USP46: variants seen among roughly 807,000 people sequenced by gnomAD.
USP46 encodes ubiquitin specific peptidase 46.
USP46 carries 12 observed loss-of-function variants against 44.4 expected under a neutral mutation model. The observed-to-expected ratio is 0.27, with a 90% confidence interval of 0.17 to 0.44. The LOEUF (loss-of-function observed/expected upper bound fraction) is 0.44. Ranked by LOEUF, USP46 falls within the 20% of genes least tolerant of loss-of-function variation. The pLI is 1.00. For synonymous variants in USP46, 155 were observed against 161.5 expected, an observed-to-expected ratio of 0.96 and a Z score of 0.31; for missense variants, 248 against 444.8, an observed-to-expected ratio of 0.56 and a Z score of 3.98.
At chr4:52,641,242 G>C (rs566741852) in intron 1 of USP46, among the ~76,000 whole-genome samples, 1 of 152,190 alleles carries the variant, frequency 6.6e-6, no homozygotes, top group African/African-American at 2.4e-5. Flanking sequence ...TCACAGGGTC[G>C]GGAAGCATAA....
rs1560406006 is a variant in USP46 at position 52,632,973 on chromosome 4, AAAG to A, written c.37-1832_37-1830del. ...GAAAGAAAGAAAGAAAGAAAGAAAG[AAAG>A]AAAGAAAGAAAAGAAAAGAAAGAAA... On this transcript the variant is annotated intron_variant, in intron 1 of 8. Transcript: ENST00000441222. 1.7e-3 allele frequency among the ~76,000 whole-genome samples: 139 copies of A among 83,910 alleles called. 2 individuals are homozygous for A. Among genetic ancestry groups the A allele is most frequent in the Middle Eastern group, 5.4e-3 (1 of 184 alleles). The allele number at this position is 83,910 out of a possible 152,430, so 55.0% of individuals were successfully genotyped here. A position where few individuals can be genotyped will look rare whatever the true frequency, so the allele number is the denominator to read the frequency against.
At chr4:52,608,543 A>G (rs1429699179) in intron 5 of USP46, among the ~76,000 whole-genome samples, 1 of 152,212 alleles carries the variant, frequency 6.6e-6, no homozygotes, top group African/African-American at 2.4e-5. Context: ...CCAGTTGGGA[A>G]GCTTTGTTCT....
intron 1 of USP46, among the ~76,000 whole-genome samples, chr4:52,643,275 C>G (rs1718420232): frequency 1.3e-5 from 2 of 152,294 alleles, no homozygotes; most frequent in South Asian, 4.1e-4. Flanking sequence ...TCCTCCACAG[C>G]CCTTAGCACA....
chr4:52,607,994 T>C (rs1716761673), intron 5 of USP46, among the ~76,000 whole-genome samples: 3 of 152,162 alleles, frequency 2.0e-5, no homozygotes, highest in South Asian at 2.1e-4. Flanking sequence ...GGTCCAAAAG[T>C]AGTGAGTTAT....
intron 7 of USP46, among the ~76,000 whole-genome samples, chr4:52,600,973 A>C (rs1263981077): frequency 6.6e-6 from 1 of 152,236 alleles, no homozygotes; most frequent in African/African-American, 2.4e-5. Context: ...GGGGTGCTTC[A>C]GATGTGAAGT....
chr4:52,623,932 AAAAAT>A (rs1420618022), intron 4 of USP46, among the ~76,000 whole-genome samples: 4 of 152,176 alleles, frequency 2.6e-5, no homozygotes, highest in Non-Finnish European at 5.9e-5. Context: ...AAAAAATTAA[AAAAAT>A]AAAATAAAAA....
intron 7 of USP46, among the ~76,000 whole-genome samples, chr4:52,599,280 G>C (rs1048942899): frequency 6.6e-6 from 1 of 152,044 alleles, no homozygotes; most frequent in South Asian, 2.1e-4. Flanking sequence ...GGGTCAGGGC[G>C]TGGAGAGAAG....
chr4:52,608,995 C>T (rs558727221), intron 5 of USP46, among the ~76,000 whole-genome samples: 32 of 152,282 alleles, frequency 2.1e-4, no homozygotes, highest in African/African-American at 7.7e-4. Flanking sequence ...ATAAACTTCA[C>T]ATAGTTTAAG....
intron 1 of USP46, chr4:52,658,254 C>A: frequency 2.2e-6 from 1 of 456,194 alleles, no homozygotes; most frequent in South Asian, 1.5e-5. Context: ...AGGGTCCAGC[C>A]TGGGGACCCA....
At chr4:52,604,986 C>T (rs1716631089) in intron 5 of USP46, among the ~76,000 whole-genome samples, 1 of 152,052 alleles carries the variant, frequency 6.6e-6, no homozygotes, top group African/African-American at 2.4e-5. Context: ...AAAAGTTCAC[C>T]GTAAACACTA....
At chr4:52,622,964 C>T (rs1560400655) in intron 4 of USP46, among the ~76,000 whole-genome samples, 1 of 152,168 alleles carries the variant, frequency 6.6e-6, no homozygotes, top group Non-Finnish European at 1.5e-5. Flanking sequence ...AATTTGTAGG[C>T]AGTGGTATTT....
intron 1 of USP46, among the ~76,000 whole-genome samples, chr4:52,646,357 A>G (rs1718550340): frequency 6.6e-6 from 1 of 152,164 alleles, no homozygotes; most frequent in South Asian, 2.1e-4. Flanking sequence ...ACCATCCTGA[A>G]ATGTGCTGAT....
chr4:52,632,571 A>G (rs1479578196), intron 1 of USP46, among the ~76,000 whole-genome samples: 1 of 152,150 alleles, frequency 6.6e-6, no homozygotes, highest in Non-Finnish European at 1.5e-5. Flanking sequence ...CTGTAATTCC[A>G]GCACTTTGGG....
At chr4:52,649,214 C>T (rs761037397) in intron 1 of USP46, among the ~76,000 whole-genome samples, 3 of 152,216 alleles carry the variant, frequency 2.0e-5, no homozygotes, top group Non-Finnish European at 4.4e-5. Flanking sequence ...GAAATACCAA[C>T]AGCTTTGCAC....
intron 4 of USP46, among the ~76,000 whole-genome samples, chr4:52,624,473 T>C (rs1717500473): frequency 6.6e-6 from 1 of 152,232 alleles, no homozygotes; most frequent in Non-Finnish European, 1.5e-5. Flanking sequence ...TTTTAGTCTC[T>C]TTTTGTTTAG....
chr4:52,604,418 G>C (rs1577660218), intron 6 of USP46, 83 bp downstream of exon 6: 1 of 1,146,922 alleles, frequency 8.7e-7, no homozygotes, highest in East Asian at 2.4e-5. Context: ...AGCTGAGATT[G>C]ATTCAAAGCC....
intron 1 of USP46, chr4:52,658,087 G>GT (rs1437082146): frequency 1.2e-5 from 5 of 403,808 alleles, no homozygotes; most frequent in Non-Finnish European, 2.5e-5. Flanking sequence ...AAGAGCACGT[G>GT]TTGCCTCCGG....
chr4:52,628,029 G>A lies in USP46; in HGVS notation c.252C>T (p.Phe84=). The A allele has an allele frequency of 6.2e-7, 1 of 1,613,916 alleles. No homozygotes were observed. Among genetic ancestry groups the A allele is most frequent in the Non-Finnish European group, 8.5e-7 (1 of 1,179,864 alleles). Residue 84 remains phenylalanine (F), a synonymous_variant, in exon 3 of 9, where the codon TTC becomes TTT. Coordinates refer to ENST00000441222, the MANE Select transcript of USP46 (RefSeq NM_022832.4). Reference sequence around the variant, plus strand: ...TCTTCTTCTGTGTGGCAATGCTGTGGAAAAGGTCCGCCAGGCACGTCAGCA... The same window carrying A: ...TCTTCTTCTGTGTGGCAATGCTGTGAAAAAGGTCCGCCAGGCACGTCAGCA... The part of the protein sequence containing the change: ...ENLLTCLADL[F]HSIATQKKKV...
At chr4:52,643,719 TC>T (rs1718436276) in intron 1 of USP46, among the ~76,000 whole-genome samples, 1 of 152,158 alleles carries the variant, frequency 6.6e-6, no homozygotes, top group Non-Finnish European at 1.5e-5. Flanking sequence ...TCAGAGAACT[TC>T]ACATCTACAT....
Sources: allele counts gnomAD v4.1 joint callset (sites outside exome capture counted in the v4.1 genomes callset), GRCh38; gene constraint gnomAD v4.1.1; transcripts MANE v1.5; gene names NCBI Gene and HGNC (gene_info 2026-07-23, HGNC 2026-07-21).